The following PFKL variants were observed in gnomAD, a reference collection of about 807,000 sequenced individuals.
The protein encoded by PFKL is ATP-dependent 6-phosphofructokinase, liver type.
A neutral mutation model predicts 92.1 loss-of-function variants in PFKL; 74 were observed. That is an observed-to-expected ratio of 0.80 (90% confidence interval 0.67 to 0.97). The LOEUF (loss-of-function observed/expected upper bound fraction) is 0.97. Among genes scored for constraint, PFKL ranks in the 50% least tolerant of loss-of-function variants. PFKL has a pLI of 0.00. For synonymous variants in PFKL, 494 were observed against 456.4 expected (o/e 1.08, Z -1.05); for missense variants, 1,028 against 1,116.6 (o/e 0.92, Z 1.13).
chr21:44,323,496 C>A (rs919659249), intron 15 of PFKL, among the ~76,000 whole-genome samples: 58 of 152,286 alleles, frequency 3.8e-4, no homozygotes, highest in African/African-American at 1.3e-3. Flanking sequence ...TTCCCCCTTG[C>A]CCTCCATGGA....
intron 5 of PFKL, 21 bp downstream of exon 5, chr21:44,313,164 CG>C: frequency 6.2e-7 from 1 of 1,610,744 alleles, no homozygotes; most frequent in East Asian, 2.2e-5. Flanking sequence ...CTGGCGCCGG[CG>C]GCCAGCCCAG....
chr21:44,302,955 G>A (rs372424254), intron 1 of PFKL, among the ~76,000 whole-genome samples: 12 of 152,170 alleles, frequency 7.9e-5, no homozygotes, highest in East Asian at 3.9e-4. Context: ...GAAACAGGCC[G>A]GGCGCGGTGG....
intron 14 of PFKL, among the ~76,000 whole-genome samples, 175 bp from the exon 15 acceptor site, chr21:44,322,780 GCGGCTCA>G (rs2047390538): frequency 6.6e-6 from 1 of 152,210 alleles, no homozygotes; most frequent in Admixed American, 6.5e-5. Flanking sequence ...TGGTGCCCAG[GCGGCTCA>G]CGCTGGGCCT....
chr21:44,309,328 C>T (rs2041048190), intron 2 of PFKL, among the ~76,000 whole-genome samples: 1 of 151,984 alleles, frequency 6.6e-6, no homozygotes, highest in South Asian at 2.1e-4. Context: ...CCAGGCAGAG[C>T]CCACAGCATA....
rs746164505 is a variant in PFKL at position 44,316,571 on chromosome 21, G to A, written c.936+47G>A. ...CTGCGTACGTGCGTGGGTAAGCGTG[G>A]TGTGTGGGTGTGGGTGTGGGCAGTG... On this transcript the variant is annotated intron_variant, in intron 9 of 21. Transcript: ENST00000349048. 1.2e-5 allele frequency: 17 copies of A among 1,434,206 alleles called. 1 individual carries two copies. Among genetic ancestry groups the A allele is most frequent in the South Asian group, 1.1e-4 (9 of 78,916 alleles). 88.8% of individuals were successfully genotyped at this position (1,434,206 alleles called of 1,614,324 possible). A position where few individuals can be genotyped will look rare whatever the true frequency, so the allele number is the denominator to read the frequency against.
chr21:44,325,234 C>T lies in PFKL; in HGVS notation c.1959C>T (p.Cys653=), dbSNP rs765911743. The part of the protein sequence containing the change: ...YSSEGKGVFD[C]RTNVLGHLQQ... ...CAGAGGGCAAGGGCGTCTTCGACTG[C>T]AGGACCAATGTCCTGGGCCACCTGC... The change falls in exon 19 of 22, where the codon TGC becomes TGT. Residue 653 remains cysteine (C), a synonymous_variant. Coordinates refer to ENST00000349048, the MANE Select transcript of PFKL (RefSeq NM_002626.6). 1.8e-5 allele frequency: 29 copies of T among 1,612,118 alleles called. No individual in the cohort carries two copies. The highest frequency in any genetic ancestry group is 2.4e-5 in the Non-Finnish European group (28 of 1,178,888).
In PFKL at chr21:44,303,413, A is replaced by G. The variant is rs2040830218; in HGVS notation, c.85+3223A>G. Among the ~76,000 whole-genome samples, 3 of 143,262 alleles carry G rather than the reference A, an allele frequency of 2.1e-5. No homozygotes were observed. In the South Asian group the frequency reaches 6.6e-4, roughly 31 times the overall value. The allele number at this position is 143,262 out of a possible 152,430, so 94.0% of individuals were successfully genotyped here. ...GTGACAGAACGAGACTCTGTCTCAA[A>G]AAAAAAAAACAGACTTGACCAAAAA... On this transcript the variant is annotated intron_variant, in intron 1 of 21. Transcript: ENST00000349048.
chr21:44,318,853 C>T (rs17276063), intron 10 of PFKL, among the ~76,000 whole-genome samples: 1,849 of 152,294 alleles, frequency 0.012, 28 homozygotes, highest in Non-Finnish European at 0.014. Context: ...TCACAGGGGT[C>T]CACGGCCACT....
Position 44,323,865 on chromosome 21 carries a change from C to G in PFKL, c.1597C>G (p.Pro533Ala). 1 of 1,613,570 alleles carries G rather than the reference C, an allele frequency of 6.2e-7. No homozygotes were observed. The highest frequency in any genetic ancestry group is 8.5e-7 in the Non-Finnish European group (1 of 1,179,962). ...VIPATISNNV[P>A]GTDFSLGSDT... Reference sequence around the variant, plus strand: ...CCCAGCCACCATCAGCAACAACGTCCCTGGCACCGACTTCAGCCTGGGCTC... The same window carrying G: ...CCCAGCCACCATCAGCAACAACGTCGCTGGCACCGACTTCAGCCTGGGCTC... Residue 533 changes from proline to alanine, a missense_variant, in exon 16 of 22, where the codon CCT becomes GCT. Pro to Ala is a conservative substitution (Grantham distance 27, BLOSUM62 -1). Coordinates refer to ENST00000349048, the MANE Select transcript of PFKL (RefSeq NM_002626.6).
Position 44,306,774 on chromosome 21 carries a change from T to C in PFKL, c.159+20T>C, listed in dbSNP as rs769921716. 1.9e-6 allele frequency: 3 copies of C among 1,610,094 alleles called. 1 individual carries two copies. The highest frequency in any genetic ancestry group is 2.2e-5 in the South Asian group (2 of 90,822). ...TACGAGGTAAGGCCAAGGTGGGCTG[T>C]GTGTGTGCAGGGAGTGGGGACCTCC... On this transcript the variant is annotated intron_variant, in intron 2 of 21. Coordinates refer to ENST00000349048, the MANE Select transcript of PFKL (RefSeq NM_002626.6).
chr21:44,309,426 G>T (rs2041050803), intron 2 of PFKL, among the ~76,000 whole-genome samples: 1 of 152,126 alleles, frequency 6.6e-6, no homozygotes, highest in African/African-American at 2.4e-5. Context: ...GGTGAGCTGG[G>T]CCTAGGAGGA....
At chr21:44,300,326 G>T in intron 1 of PFKL, 136 bp downstream of exon 1, 1 of 224,854 alleles carries the variant, frequency 4.4e-6, no homozygotes, top group Non-Finnish European at 7.3e-6. Context: ...TCCCGCCCCG[G>T]CCTCCTGCCC....
intron 9 of PFKL, 121 bp downstream of exon 9, chr21:44,316,645 T>C (rs1054907531): frequency 1.7e-5 from 12 of 713,384 alleles, no homozygotes; most frequent in Middle Eastern, 7.9e-4. Flanking sequence ...TGTGGGTGAG[T>C]GTCCGTGTCT....
At chr21:44,301,997 C>A (rs1307304087) in intron 1 of PFKL, among the ~76,000 whole-genome samples, 1 of 152,322 alleles carries the variant, frequency 6.6e-6, no homozygotes, top group African/African-American at 2.4e-5. Flanking sequence ...ACAGGCGGTT[C>A]TGGATGCTGG....
intron 2 of PFKL, 88 bp downstream of exon 2, chr21:44,306,842 A>G: frequency 8.3e-7 from 1 of 1,200,970 alleles, no homozygotes; most frequent in South Asian, 1.3e-5. Context: ...TCACACTGGG[A>G]GACGGGGTGG....
rs1762399780 is a variant in PFKL, at chr21:44,323,002, A to G, written c.1450A>G (p.Ile484Val). 6.2e-7 allele frequency: 1 copy of G among 1,612,958 alleles called. No individual in the cohort carries two copies. The highest frequency in any genetic ancestry group is 1.3e-5 in the African/African-American group (1 of 74,932). Residue 484 changes from isoleucine (I) to valine (V), a missense_variant, in exon 15 of 22, where the codon ATC becomes GTC. By Grantham distance (29) the Ile-to-Val change is conservative. Coordinates refer to ENST00000349048, the MANE Select transcript of PFKL (RefSeq NM_002626.6). ...CCAGCTGGAGTCCATTGTGGAGAAC[A>G]TCCGCATCTATGGTATTCACGCCCT... ...KGQLESIVEN[I>V]RIYGIHALLV...
At chr21:44,312,034 C>T in intron 3 of PFKL, 71 bp from the exon 4 acceptor site, 1 of 1,235,868 alleles carries the variant, frequency 8.1e-7, no homozygotes, top group Non-Finnish European at 1.1e-6. Flanking sequence ...GTCCTGGGGT[C>T]CCTCTGGTGA....
Position 44,300,053 on chromosome 21 carries a change from G to T in PFKL, c.-53G>T, listed in dbSNP as rs1466286524. 6 of 894,232 alleles carry T rather than the reference G, an allele frequency of 6.7e-6. No homozygotes were observed. Among genetic ancestry groups the T allele is most frequent in the African/African-American group, 1.8e-5 (1 of 54,894 alleles). The allele number at this position is 894,232 out of a possible 1,614,324, so 55.4% of individuals were successfully genotyped here. A position where few individuals can be genotyped will look rare whatever the true frequency, so the allele number is the denominator to read the frequency against. On this transcript the variant is annotated 5_prime_UTR_variant, in exon 1 of 22. Transcript: ENST00000349048. ...GCGCGCGGGGCGGGGCGGGGACGGC[G>T]ACGCGGCGCAGGCGGCGGGAGTGCG...
chr21:44,311,379 C>T (rs899983042), intron 3 of PFKL, among the ~76,000 whole-genome samples: 2 of 152,042 alleles, frequency 1.3e-5, no homozygotes, highest in Non-Finnish European at 2.9e-5. Flanking sequence ...CACAGACGCG[C>T]ACACAGACAC....
Sources: allele counts gnomAD v4.1 joint callset (sites outside exome capture counted in the v4.1 genomes callset), GRCh38; gene constraint gnomAD v4.1.1; transcripts MANE v1.5; gene names NCBI Gene and HGNC (gene_info 2026-07-23, HGNC 2026-07-21).